The following MECOM variants were observed in gnomAD, a reference collection of about 807,000 sequenced individuals.
MECOM encodes histone-lysine N-methyltransferase MECOM.
Under a neutral mutation model 116.3 loss-of-function variants are expected in MECOM, and 13 were observed. The observed-to-expected ratio is 0.11, with a 90% CI of 0.07 to 0.18. MECOM has a LOEUF of 0.18. Ranked by LOEUF, MECOM falls within the 10% of genes least tolerant of loss-of-function variation. The probability of loss-of-function intolerance (pLI) is 1.00; values close to 1 mark genes in which losing one functional copy is unlikely to be tolerated. For synonymous variants in MECOM, 528 were observed against 535.2 expected, an observed-to-expected ratio of 0.99 and a Z score of 0.19; for missense variants, 1,299 against 1,509.0, an observed-to-expected ratio of 0.86 and a Z score of 2.31.
At chr3:169,321,465 G>A (rs928543354) in intron 2 of MECOM, among the ~76,000 whole-genome samples, 6 of 152,108 alleles carry the variant, frequency 3.9e-5, no homozygotes, top group African/African-American at 1.2e-4. Context: ...ACTTGAGCCC[G>A]GGAAGGTGGA....
intron 2 of MECOM, among the ~76,000 whole-genome samples, chr3:169,165,048 G>A (rs1743374662): frequency 6.6e-6 from 1 of 152,166 alleles, no homozygotes; most frequent in Admixed American, 6.5e-5. Context: ...GTTTATGAAA[G>A]TGAGTCTTAA....
chr3:169,099,791 T>C (rs977404436), intron 12 of MECOM, among the ~76,000 whole-genome samples: 4 of 152,160 alleles, frequency 2.6e-5, no homozygotes, highest in South Asian at 4.1e-4. Flanking sequence ...GAGTAACTAA[T>C]ACTGTGTGCA....
At chr3:169,333,712 A>C (rs1231860599) in intron 2 of MECOM, among the ~76,000 whole-genome samples, 2 of 152,216 alleles carry the variant, frequency 1.3e-5, no homozygotes, top group Non-Finnish European at 2.9e-5. Flanking sequence ...CAAAATCAAT[A>C]TAAAACAAAC....
intron 1 of MECOM, among the ~76,000 whole-genome samples, chr3:169,405,049 G>A (rs17485157): frequency 0.18 from 26,798 of 152,210 alleles, 2,827 homozygotes; most frequent in East Asian, 0.25. Flanking sequence ...ATAGCACAGC[G>A]AAATGGCCAC....
intron 2 of MECOM, among the ~76,000 whole-genome samples, chr3:169,188,774 G>T (rs1747107096): frequency 6.6e-6 from 1 of 152,008 alleles, no homozygotes; most frequent in African/African-American, 2.4e-5. Context: ...CCCCACATAT[G>T]GGTTTTTAGG....
At chr3:169,325,225 A>C (rs1721644672) in intron 2 of MECOM, among the ~76,000 whole-genome samples, 1 of 152,156 alleles carries the variant, frequency 6.6e-6, no homozygotes, top group Non-Finnish European at 1.5e-5. Context: ...TCGGACAGTC[A>C]CTGGAATATC....
At chr3:169,254,235 CTAGCACATCCAAG>C (rs1259034068) in intron 2 of MECOM, among the ~76,000 whole-genome samples, 1 of 152,224 alleles carries the variant, frequency 6.6e-6, no homozygotes, top group African/African-American at 2.4e-5. Context: ...GGGAGTCAGT[CTAGCACATCCAAG>C]TAGCACATCC....
chr3:169,259,316 C>T (rs545622002), intron 2 of MECOM, among the ~76,000 whole-genome samples: 5 of 152,122 alleles, frequency 3.3e-5, no homozygotes, highest in African/African-American at 7.2e-5. Context: ...ATACCGACAC[C>T]GGCTCAAATC....
In MECOM at chr3:169,270,340, T is replaced by C. The variant is rs904290247; in HGVS notation, c.375+110847A>G. ...TGAAAAAATTGCTCACTTTCATGGA[T>C]TATTGAAGTAGGAATTTAAGGTTCC... is the stretch of plus-strand genomic sequence containing the variant. On this transcript the variant is annotated intron_variant, in intron 2 of 16. Transcript: ENST00000651503. Among the ~76,000 whole-genome samples the C allele has an allele frequency of 2.6e-5, 4 of 152,228 alleles. No homozygotes were observed. In the East Asian group the frequency reaches 7.7e-4, roughly 29 times the overall value.
chr3:169,097,985 C>T (rs971323430), intron 12 of MECOM, among the ~76,000 whole-genome samples: 3 of 152,064 alleles, frequency 2.0e-5, no homozygotes, highest in African/African-American at 7.2e-5. Flanking sequence ...AGGTCAGCCA[C>T]AGGAAGCAGA....
At chr3:169,122,981 G>C (rs533351707) in intron 5 of MECOM, among the ~76,000 whole-genome samples, 2 of 151,858 alleles carry the variant, frequency 1.3e-5, no homozygotes, top group African/African-American at 4.8e-5. Context: ...CAGCTGGCAG[G>C]GATTATCTGC....
chr3:169,266,348 A>C (rs1758299979), intron 2 of MECOM, among the ~76,000 whole-genome samples: 1 of 152,206 alleles, frequency 6.6e-6, no homozygotes, highest in African/African-American at 2.4e-5. Flanking sequence ...TGCTATTGTT[A>C]GTCAAAGTTC....
At chr3:169,403,622 T>C (rs545338924) in intron 1 of MECOM, among the ~76,000 whole-genome samples, 9 of 152,332 alleles carry the variant, frequency 5.9e-5, no homozygotes, top group Admixed American at 4.6e-4. Flanking sequence ...TATGGACTTA[T>C]TTGCACCATC....
At chr3:169,132,311 T>C (rs1215055962) in intron 3 of MECOM, among the ~76,000 whole-genome samples, 2 of 152,182 alleles carry the variant, frequency 1.3e-5, no homozygotes, top group Non-Finnish European at 2.9e-5. Context: ...AACCCTGACC[T>C]GAAATTTCCA....
intron 1 of MECOM, among the ~76,000 whole-genome samples, chr3:169,592,301 C>T (rs944213135): frequency 1.3e-5 from 2 of 152,204 alleles, no homozygotes; most frequent in Non-Finnish European, 2.9e-5. Flanking sequence ...CTCCTAAAGA[C>T]GGATGTGGCT....
chr3:169,395,166 G>A (rs1014174305), intron 1 of MECOM, among the ~76,000 whole-genome samples: 2 of 152,118 alleles, frequency 1.3e-5, no homozygotes, highest in African/African-American at 2.4e-5. Flanking sequence ...GATGATTAAA[G>A]CACACCTCCA....
At chr3:169,562,739 C>T (rs1010227127) in intron 1 of MECOM, among the ~76,000 whole-genome samples, 3 of 152,190 alleles carry the variant, frequency 2.0e-5, no homozygotes, top group Admixed American at 6.5e-5. Context: ...CCATCTTCAA[C>T]AGTCTGGGGG....
intron 1 of MECOM, among the ~76,000 whole-genome samples, chr3:169,648,573 C>A (rs139661010): frequency 1.4e-3 from 219 of 152,296 alleles, no homozygotes; most frequent in African/African-American, 4.9e-3. Context: ...AGACTGTGCC[C>A]AAAAGTAAAG....
intron 1 of MECOM, among the ~76,000 whole-genome samples, chr3:169,660,766 TC>T (rs1776180531): frequency 6.6e-6 from 1 of 152,180 alleles, no homozygotes; most frequent in Non-Finnish European, 1.5e-5. Flanking sequence ...CACGCGCTAC[TC>T]GGGGGAAGGA....
Sources: gnomAD v4.1 joint callset for allele counts (sites outside exome capture counted in the v4.1 genomes callset) on GRCh38, gnomAD v4.1.1 for gene constraint, MANE v1.5 for transcripts, NCBI Gene and HGNC (gene_info 2026-07-23, HGNC 2026-07-21) for gene names.